AKAP13: variants seen among roughly 807,000 people sequenced by gnomAD.
AKAP13 encodes the protein A-kinase anchor protein 13.
In AKAP13, 80 loss-of-function variants were observed where a neutral mutation model predicts 264.5. That is an observed-to-expected ratio of 0.30 (90% CI 0.25 to 0.36). The LOEUF is 0.36. AKAP13 is among the 10% of genes least tolerant of loss of function. The probability of loss-of-function intolerance (pLI) is 1.00; values close to 1 mark genes in which losing one functional copy is unlikely to be tolerated. For synonymous variants in AKAP13, 1,380 were observed against 1,250.2 expected, an observed-to-expected ratio of 1.10 and a Z score of -2.19; for missense variants, 3,712 against 3,435.2, an observed-to-expected ratio of 1.08 and a Z score of -2.01.
At chr15:85,639,517 G>A in intron 9 of AKAP13, 68 bp downstream of exon 9, 3 of 1,142,016 alleles carry the variant, frequency 2.6e-6, no homozygotes, top group Non-Finnish European at 2.6e-6. Flanking sequence ...TTTATTTGGA[G>A]ATCTGCCCTT....
At chr15:85,524,237 G>A (rs892548274) in intron 3 of AKAP13, among the ~76,000 whole-genome samples, 1 of 136,772 alleles carries the variant, frequency 7.3e-6, no homozygotes, top group Non-Finnish European at 1.5e-5. Context: ...GAATGCAATG[G>A]CACGATCTTG....
intron 6 of AKAP13, among the ~76,000 whole-genome samples, chr15:85,577,479 A>G (rs1371926592): frequency 1.3e-5 from 2 of 152,248 alleles, no homozygotes; most frequent in Admixed American, 6.5e-5. Flanking sequence ...CTGCATGCAC[A>G]TGGGATTTTT....
chr15:85,735,061 T>C lies in AKAP13; in HGVS notation c.7352T>C (p.Ile2451Thr), dbSNP rs375912393. ...GTLGPTVSSP[I>T]EQDVVGPVSL... Reference sequence around the variant, plus strand: ...CTTGGGCCGACTGTCAGCAGCCCCATTGAGCAAGATGTGGTCGGTCCCGTT... The same window carrying C: ...CTTGGGCCGACTGTCAGCAGCCCCACTGAGCAAGATGTGGTCGGTCCCGTT... Residue 2451 changes from isoleucine to threonine, a missense_variant, in exon 31 of 37, where the codon ATT (isoleucine) becomes ACT (threonine). Ile to Thr is a moderately conservative substitution (Grantham distance 89, BLOSUM62 -1). Around this residue, in one of 3 missense-constraint regions of AKAP13, gnomAD observed 611 missense variants for 539.3 expected, o/e 1.13. Coordinates refer to ENST00000394518, the MANE Select transcript of AKAP13 (RefSeq NM_007200.5). 3.1e-5 allele frequency: 50 copies of C among 1,614,092 alleles called. No homozygotes were observed. Among genetic ancestry groups the C allele is most frequent in the Non-Finnish European group, 2.7e-5 (32 of 1,180,040 alleles).
chr15:85,638,085 C>T lies in AKAP13; in HGVS notation c.4162-1289C>T, dbSNP rs1310800968. ...TTTTTTAGTAGAGACAGGATTTCAC[C>T]GTGTTAGCCAGGATGGTCTCCATCT... On this transcript the variant is annotated intron_variant, in intron 8 of 36. Transcript: ENST00000394518. Among the ~76,000 whole-genome samples, 5 of 151,810 alleles carry T rather than the reference C, an allele frequency of 3.3e-5. No homozygotes were observed. In the East Asian group the frequency reaches 5.8e-4, roughly 18 times the overall value.
intron 1 of AKAP13, among the ~76,000 whole-genome samples, chr15:85,399,149 A>G (rs1166690089): frequency 1.3e-5 from 2 of 152,222 alleles, no homozygotes; most frequent in African/African-American, 2.4e-5. Flanking sequence ...CTGGCAGAAT[A>G]TGACAGTTCC....
At chr15:85,715,113 G>A (rs1442086130) in intron 19 of AKAP13, among the ~76,000 whole-genome samples, 2 of 152,002 alleles carry the variant, frequency 1.3e-5, no homozygotes, top group Admixed American at 6.6e-5. Flanking sequence ...CCTGGAGTTC[G>A]CTTGTTAAAG....
At position 85,512,390 on chromosome 15, in the gene AKAP13, C is replaced by G. The variant is rs376770235; in HGVS notation, c.34-9038C>G. Among the ~76,000 whole-genome samples, 4 of 152,288 alleles carry G rather than the reference C, an allele frequency of 2.6e-5. No homozygotes were observed. The East Asian group carries it at 7.7e-4, about 29-fold the overall frequency. ...TCCACCTCCAGACTCTTCCATCTTT[C>G]TTGTTCTTAGCACCCTCTTTCTCCT... On this transcript the variant is annotated intron_variant, in intron 2 of 36. Transcript: ENST00000394518.
At chr15:85,719,391 C>T (rs1204542527) in intron 23 of AKAP13, 65 bp downstream of exon 23, 3 of 1,571,318 alleles carry the variant, frequency 1.9e-6, no homozygotes, top group African/African-American at 1.4e-5. Flanking sequence ...TGGGGTTCCA[C>T]AGCCATGCAT....
At chr15:85,731,180 A>T (rs918428590) in intron 30 of AKAP13, among the ~76,000 whole-genome samples, 1 of 150,920 alleles carries the variant, frequency 6.6e-6, no homozygotes. Context: ...TAATTTTTGT[A>T]TTTTTCACAG....
chr15:85,441,166 G>A (rs965944081), intron 1 of AKAP13, among the ~76,000 whole-genome samples: 1 of 152,018 alleles, frequency 6.6e-6, no homozygotes. Context: ...GAGGGCTTCA[G>A]TTTTCCACAC....
intron 8 of AKAP13, among the ~76,000 whole-genome samples, chr15:85,630,146 A>G (rs973020871): frequency 1.2e-4 from 17 of 143,416 alleles, no homozygotes; most frequent in Non-Finnish European, 2.1e-4. Flanking sequence ...TGACTTCTCT[A>G]TTCTCTGTTT....
At chr15:85,528,509 T>C (rs1315427089) in intron 3 of AKAP13, among the ~76,000 whole-genome samples, 1 of 152,212 alleles carries the variant, frequency 6.6e-6, no homozygotes. Flanking sequence ...AGATACTTTG[T>C]GCACAGCTCT....
intron 8 of AKAP13, among the ~76,000 whole-genome samples, chr15:85,627,954 A>G (rs756053531): frequency 3.9e-5 from 6 of 152,184 alleles, no homozygotes; most frequent in Non-Finnish European, 5.9e-5. Flanking sequence ...AGCCTACCTC[A>G]TATACCAACG....
intron 16 of AKAP13, chr15:85,685,409 G>A (rs1223935888): frequency 6.6e-6 from 1 of 152,210 alleles, no homozygotes; most frequent in Admixed American, 6.5e-5. Flanking sequence ...CTAATTAGGA[G>A]CATTTGGAAT....
intron 23 of AKAP13, among the ~76,000 whole-genome samples, chr15:85,720,373 A>G (rs1427858668): frequency 6.6e-6 from 1 of 152,030 alleles, no homozygotes; most frequent in Non-Finnish European, 1.5e-5. Context: ...AGAAAGTTGA[A>G]TAAGTGACTA....
At chr15:85,743,436 G>T in intron 35 of AKAP13, 56 bp from the exon 36 acceptor site, 2 of 1,550,424 alleles carry the variant, frequency 1.3e-6, no homozygotes, top group Non-Finnish European at 1.8e-6. Context: ...TTATTGAGTT[G>T]GCATCACGGA....
intron 16 of AKAP13, 34 bp downstream of exon 16, chr15:85,684,907 C>T (rs1238814375): frequency 6.2e-7 from 1 of 1,602,704 alleles, no homozygotes; most frequent in Admixed American, 1.7e-5. Flanking sequence ...TTGTGATCAC[C>T]TCAGTAGGAT....
chr15:85,471,364 A>G (rs2074954377), intron 1 of AKAP13, among the ~76,000 whole-genome samples: 1 of 152,036 alleles, frequency 6.6e-6, no homozygotes, highest in Non-Finnish European at 1.5e-5. Flanking sequence ...GTGTGGTGGC[A>G]GGTGCCTGTA....
intron 2 of AKAP13, among the ~76,000 whole-genome samples, chr15:85,487,958 C>T (rs898233054): frequency 2.6e-5 from 4 of 152,284 alleles, no homozygotes; most frequent in East Asian, 1.9e-4. Flanking sequence ...AGTGCAGTGG[C>T]GCGACCATGA....
Sources: allele counts gnomAD v4.1 joint callset (sites outside exome capture counted in the v4.1 genomes callset), GRCh38; gene constraint gnomAD v4.1.1; regional missense constraint gnomAD v4.1.1; transcripts MANE v1.5; gene names NCBI Gene and HGNC (gene_info 2026-07-23, HGNC 2026-07-21).